The following RSPO2 variants were observed in gnomAD, a reference collection of about 807,000 sequenced individuals.
The protein encoded by RSPO2 is R-spondin 2, also known as R-spondin-2.
A neutral mutation model predicts 30.9 loss-of-function variants in RSPO2; 14 were observed. That is an observed-to-expected ratio of 0.45 (90% CI 0.30 to 0.71). The LOEUF (loss-of-function observed/expected upper bound fraction) is 0.71. RSPO2 is among the 30% of genes least tolerant of loss of function. The pLI is 0.08. For synonymous variants in RSPO2, 107 were observed against 96.4 expected, an observed-to-expected ratio of 1.11 and a Z score of -0.64; for missense variants, 264 against 301.9, an observed-to-expected ratio of 0.87 and a Z score of 0.93.
intron 5 of RSPO2, among the ~76,000 whole-genome samples, chr8:107,914,759 A>C (rs923990848): frequency 1.3e-5 from 2 of 152,212 alleles, no homozygotes; most frequent in African/African-American, 2.4e-5. Flanking sequence ...GTTTGATTCT[A>C]ATACAAAACA....
At chr8:107,937,994 A>T (rs1428410360) in intron 5 of RSPO2, among the ~76,000 whole-genome samples, 1 of 152,114 alleles carries the variant, frequency 6.6e-6, no homozygotes, top group African/African-American at 2.4e-5. Context: ...ACCTGTCCAC[A>T]ATAATATCCT....
intron 5 of RSPO2, among the ~76,000 whole-genome samples, chr8:107,934,387 T>C (rs1812650542): frequency 7.4e-6 from 1 of 134,886 alleles, no homozygotes; most frequent in Admixed American, 7.4e-5. Context: ...TTTTTTTTTT[T>C]ATTAGACAGA....
chr8:108,035,899 G>C (rs955860479), intron 2 of RSPO2, among the ~76,000 whole-genome samples: 1 of 151,976 alleles, frequency 6.6e-6, no homozygotes, highest in Non-Finnish European at 1.5e-5. Context: ...TCAGGTTTGG[G>C]AACCACCAAG....
chr8:107,994,026 G>C (rs1341583709), intron 2 of RSPO2, among the ~76,000 whole-genome samples: 1 of 152,042 alleles, frequency 6.6e-6, no homozygotes, highest in African/African-American at 2.4e-5. Flanking sequence ...AAGTTTCCAG[G>C]AGGATATGAG....
chr8:107,985,944 G>A (rs1216440716), intron 3 of RSPO2, among the ~76,000 whole-genome samples: 1 of 152,084 alleles, frequency 6.6e-6, no homozygotes, highest in Non-Finnish European at 1.5e-5. Flanking sequence ...TTCAAAAGAA[G>A]GATATTGCTT....
intron 5 of RSPO2, among the ~76,000 whole-genome samples, chr8:107,938,761 T>C (rs1812796558): frequency 6.6e-6 from 1 of 152,270 alleles, no homozygotes; most frequent in South Asian, 2.1e-4. Flanking sequence ...TGTTAGCACA[T>C]GTTGGTGCCA....
intron 3 of RSPO2, among the ~76,000 whole-genome samples, chr8:107,977,032 G>C (rs1814240808): frequency 6.6e-6 from 1 of 152,122 alleles, no homozygotes; most frequent in African/African-American, 2.4e-5. Context: ...AAAAAGTTAG[G>C]GAAGGGGAGA....
intron 2 of RSPO2, among the ~76,000 whole-genome samples, chr8:108,010,027 C>T (rs1810648882): frequency 6.7e-6 from 1 of 149,924 alleles, no homozygotes; most frequent in South Asian, 2.1e-4. Context: ...CCAGCCTGGG[C>T]AACAGAATAA....
intron 2 of RSPO2, among the ~76,000 whole-genome samples, chr8:108,016,784 T>C (rs1810903488): frequency 6.6e-6 from 1 of 152,066 alleles, no homozygotes; most frequent in African/African-American, 2.4e-5. Context: ...GATGTGGTTG[T>C]TAAAAGCGTG....
intron 2 of RSPO2, among the ~76,000 whole-genome samples, chr8:108,072,394 CG>C (rs1281249256): frequency 7.3e-6 from 1 of 136,304 alleles, no homozygotes; most frequent in Non-Finnish European, 1.5e-5. Flanking sequence ...GGTGCGATCT[CG>C]GCCCACTGCA....
intron 3 of RSPO2, among the ~76,000 whole-genome samples, chr8:107,961,543 A>C (rs115692377): frequency 6.6e-6 from 1 of 152,176 alleles, no homozygotes; most frequent in African/African-American, 2.4e-5. Context: ...CTTTCTCTCT[A>C]TAACTCGCTC....
At chr8:107,980,504 A>G (rs1184155802) in intron 3 of RSPO2, among the ~76,000 whole-genome samples, 1 of 152,228 alleles carries the variant, frequency 6.6e-6, no homozygotes, top group African/African-American at 2.4e-5. Context: ...CTGGTTTGAT[A>G]AAGATTAAAC....
chr8:108,058,292 G>T (rs1034664359), intron 2 of RSPO2, among the ~76,000 whole-genome samples: 16 of 151,990 alleles, frequency 1.1e-4, no homozygotes, highest in Admixed American at 3.9e-4. Flanking sequence ...AATTTACAAG[G>T]GACATGAAGG....
intron 5 of RSPO2, among the ~76,000 whole-genome samples, chr8:107,944,147 C>A (rs540360811): frequency 1.3e-5 from 2 of 152,036 alleles, no homozygotes; most frequent in Non-Finnish European, 2.9e-5. Flanking sequence ...GGTTTATTAT[C>A]TTGGAATAGA....
intron 2 of RSPO2, among the ~76,000 whole-genome samples, chr8:108,050,174 C>A (rs1167055470): frequency 1.3e-5 from 2 of 152,134 alleles, no homozygotes; most frequent in Non-Finnish European, 2.9e-5. Context: ...ATCCTTCAAA[C>A]CACTTTTGTT....
At chr8:107,958,615 G>T (rs545744682) in intron 4 of RSPO2, among the ~76,000 whole-genome samples, 4 of 152,232 alleles carry the variant, frequency 2.6e-5, no homozygotes, top group East Asian at 1.9e-4. Flanking sequence ...GTGCCATGGT[G>T]GTTTGCTGCA....
At chr8:107,946,906 C>G (rs576665830) in intron 5 of RSPO2, among the ~76,000 whole-genome samples, 1 of 152,230 alleles carries the variant, frequency 6.6e-6, no homozygotes, top group Admixed American at 6.5e-5. Context: ...AAAATAAAAG[C>G]TAGATGATTA....
chr8:108,065,384 C>T (rs537523294), intron 2 of RSPO2, among the ~76,000 whole-genome samples: 3 of 151,448 alleles, frequency 2.0e-5, no homozygotes, highest in Non-Finnish European at 2.9e-5. Flanking sequence ...AAGAGTTTTA[C>T]GAGCCACGTA....
intron 5 of RSPO2, among the ~76,000 whole-genome samples, chr8:107,915,851 G>A (rs960393902): frequency 8.5e-5 from 13 of 152,116 alleles, no homozygotes; most frequent in Non-Finnish European, 1.5e-4. Flanking sequence ...CTTGCAAAAC[G>A]GAGAATCTTT....
Sources: allele counts gnomAD v4.1 joint callset (sites outside exome capture counted in the v4.1 genomes callset), GRCh38; gene constraint gnomAD v4.1.1; transcripts MANE v1.5; gene names NCBI Gene and HGNC (gene_info 2026-07-23, HGNC 2026-07-21).